TRAK1: variants seen among roughly 807,000 people sequenced by gnomAD.
TRAK1 encodes the protein trafficking kinesin protein 1.
Under a neutral mutation model 92.1 loss-of-function variants are expected in TRAK1, and 33 were observed. The ratio of observed to expected loss-of-function variants is 0.36; its 90% CI spans 0.27 to 0.48. The LOEUF (loss-of-function observed/expected upper bound fraction) is 0.48. Among genes scored for constraint, TRAK1 ranks in the 20% least tolerant of loss-of-function variants. TRAK1 has a pLI of 0.99. For missense variants in TRAK1, 1,123 were observed against 1,257.9 expected (o/e 0.89, Z 1.62); for synonymous variants, 521 against 517.3 (o/e 1.01, Z -0.10).
intron 2 of TRAK1, among the ~76,000 whole-genome samples, chr3:42,162,803 AG>A (rs1481474310): frequency 2.6e-5 from 4 of 152,334 alleles, no homozygotes; most frequent in African/African-American, 9.6e-5. Flanking sequence ...TTTAGTTTAT[AG>A]GCCTAGGTCT....
chr3:42,084,234 C>G (rs1423429830), upstream of TRAK1, among the ~76,000 whole-genome samples: 2 of 152,022 alleles, frequency 1.3e-5, no homozygotes, highest in Non-Finnish European at 2.9e-5. Flanking sequence ...GATGACTTCT[C>G]AAGCTAATTT....
intron 4 of TRAK1, among the ~76,000 whole-genome samples, chr3:42,186,666 C>T (rs1704903179): frequency 6.6e-6 from 1 of 152,224 alleles, no homozygotes; most frequent in Non-Finnish European, 1.5e-5. Flanking sequence ...GGTCACCCGT[C>T]AGCTTCTTCA....
intron 1 of TRAK1, among the ~76,000 whole-genome samples, chr3:42,110,784 C>G (rs76234453): frequency 0.025 from 3,753 of 152,290 alleles, 143 homozygotes; most frequent in African/African-American, 0.085. Context: ...CACAGGTGTT[C>G]AGTGAAGGTC....
At chr3:42,208,609 A>G (rs186467402) in intron 13 of TRAK1, among the ~76,000 whole-genome samples, 1 of 152,222 alleles carries the variant, frequency 6.6e-6, no homozygotes, top group East Asian at 1.9e-4. Flanking sequence ...CAGAAAGTAT[A>G]CCCTTGGTAA....
At chr3:42,173,782 A>C (rs1424111059) in intron 2 of TRAK1, among the ~76,000 whole-genome samples, 3 of 152,158 alleles carry the variant, frequency 2.0e-5, no homozygotes, top group Non-Finnish European at 4.4e-5. Context: ...TCTGTGGAGT[A>C]GTCATCGCGA....
At chr3:42,106,681 T>A (rs1240707713) in intron 1 of TRAK1, among the ~76,000 whole-genome samples, 1 of 152,232 alleles carries the variant, frequency 6.6e-6, no homozygotes, top group East Asian at 1.9e-4. Context: ...TTTTCCACAT[T>A]TTGAATTTAT....
At chr3:42,091,656 C>G in intron 1 of TRAK1, 96 bp downstream of exon 1, 1 of 1,269,334 alleles carries the variant, frequency 7.9e-7, no homozygotes, top group Non-Finnish European at 1.1e-6. Flanking sequence ...CTCTCTTGCT[C>G]CGTGCTGCTT....
intron 1 of TRAK1, among the ~76,000 whole-genome samples, chr3:42,114,595 T>C (rs1708919066): frequency 6.6e-6 from 1 of 152,260 alleles, no homozygotes; most frequent in African/African-American, 2.4e-5. Context: ...CAGCTCCATC[T>C]GTCTAAACAC....
intron 14 of TRAK1, 117 bp from the exon 15 acceptor site, chr3:42,219,377 A>C: frequency 2.5e-6 from 4 of 1,586,960 alleles, no homozygotes; most frequent in Non-Finnish European, 3.4e-6. Flanking sequence ...CCTCGCCCAG[A>C]TCCAGTTAAC....
chr3:42,150,635 G>A (rs1401930426), intron 2 of TRAK1, among the ~76,000 whole-genome samples: 1 of 152,144 alleles, frequency 6.6e-6, no homozygotes, highest in Admixed American at 6.5e-5. Flanking sequence ...GATGTAACAG[G>A]CTGGGACCTG....
Position 42,054,904 on chromosome 3 carries a change from A to ATTTTTTTTTTTTTTTTTTTTTTT in TRAK1, c.-518-32188_-518-32166dup, listed in dbSNP as rs1157067369. Among the ~76,000 whole-genome samples the ATTTTTTTTTTTTTTTTTTTTTTT allele has an allele frequency of 2.4e-4, 9 of 37,106 alleles. 3 individuals are homozygous for ATTTTTTTTTTTTTTTTTTTTTTT. The highest frequency in any genetic ancestry group is 3.6e-4 in the African/African-American group (4 of 11,106). The allele number at this position is 37,106 out of a possible 152,430, so 24.3% of individuals were successfully genotyped here. ...TTGTAAATGATCTACAGCAAACTAG[A>ATTTTTTTTTTTTTTTTTTTTTTT]TTTTTTTTTTTTTTTTTTTTTTTTT... On this transcript the variant is annotated intron_variant, in intron 1 of 16. Transcript: ENST00000487159.
At chr3:42,113,762 C>T (rs1708802466) in intron 1 of TRAK1, among the ~76,000 whole-genome samples, 1 of 151,962 alleles carries the variant, frequency 6.6e-6, no homozygotes, top group Non-Finnish European at 1.5e-5. Context: ...CTATGTTGCC[C>T]AGGCTGGTCT....
At chr3:42,125,096 G>A (rs554790092) in intron 1 of TRAK1, among the ~76,000 whole-genome samples, 4 of 152,298 alleles carry the variant, frequency 2.6e-5, no homozygotes, top group South Asian at 2.1e-4. Flanking sequence ...CATGTAGAAC[G>A]CTTGAAGGAG....
chr3:42,050,639 G>T (rs1384248124), intron 1 of TRAK1, among the ~76,000 whole-genome samples: 2 of 151,976 alleles, frequency 1.3e-5, no homozygotes, highest in Non-Finnish European at 2.9e-5. Context: ...TGTCCTTGTG[G>T]GTTTATTATA....
chr3:42,185,673 C>CT (rs11376284), intron 4 of TRAK1, among the ~76,000 whole-genome samples: 79,671 of 136,542 alleles, frequency 0.58, 23,806 homozygotes, highest in East Asian at 0.94. Context: ...TTATTCCTTT[C>CT]TTTTTTTTTT....
rs576245849 is a variant in TRAK1, at chr3:42,160,849, T to C, written c.287-15965T>C. Among the ~76,000 whole-genome samples, 4 of 152,332 alleles carry C rather than the reference T, an allele frequency of 2.6e-5. No individual in the cohort carries two copies. The East Asian group carries it at 7.7e-4, about 29-fold the overall frequency. ...GCTTAACTGAGGTCTTTGAAATTCA[T>C]CCTTGTTGTTGCTAATATCACTAAT... On this transcript the variant is annotated intron_variant, in intron 2 of 15. Coordinates refer to ENST00000327628, the MANE Select transcript of TRAK1 (RefSeq NM_001042646.3).
upstream of TRAK1, among the ~76,000 whole-genome samples, chr3:42,088,107 G>C (rs1704777124): frequency 6.6e-6 from 1 of 152,178 alleles, no homozygotes; most frequent in South Asian, 2.1e-4. Flanking sequence ...CATTCATATA[G>C]AAGTTTGCTT....
rs867396871 is a variant in TRAK1, at chr3:42,151,423, C to T, written c.287-25391C>T. 3.1e-5 allele frequency: 14 copies of T among 455,534 alleles called. No homozygotes were observed. The Middle Eastern group carries it at 3.9e-3, about 126-fold the overall frequency. 28.2% of individuals were successfully genotyped at this position (455,534 alleles called of 1,614,324 possible). ...GAAAATAGAAGAGGAGATGGCTCAA[C>T]TGTTCAAGGGTAAATATATTGATTT... On this transcript the variant is annotated intron_variant, in intron 2 of 15. Transcript: ENST00000327628.
intron 1 of TRAK1, among the ~76,000 whole-genome samples, chr3:42,067,470 C>T (rs557670038): frequency 2.0e-3 from 301 of 152,292 alleles, no homozygotes; most frequent in African/African-American, 6.9e-3. Flanking sequence ...TTCAAAAACA[C>T]AAGGCTGTGA....
Sources: gnomAD v4.1 joint callset for allele counts (sites outside exome capture counted in the v4.1 genomes callset) on GRCh38, gnomAD v4.1.1 for gene constraint, MANE v1.5 for transcripts, NCBI Gene and HGNC (gene_info 2026-07-23, HGNC 2026-07-21) for gene names.